The following NUP133 variants were observed in gnomAD, a reference collection of about 807,000 sequenced individuals.
NUP133 encodes nucleoporin 133.
A neutral mutation model predicts 146.2 loss-of-function variants in NUP133; 66 were observed. The observed-to-expected ratio is 0.45, with a 90% CI of 0.37 to 0.55. NUP133 has a LOEUF of 0.55. NUP133 is among the 20% of genes least tolerant of loss of function. NUP133 has a pLI of 0.00. For missense variants in NUP133, 1,277 were observed against 1,374.8 expected, an observed-to-expected ratio of 0.93 and a Z score of 1.12; for synonymous variants, 521 against 498.8, an observed-to-expected ratio of 1.04 and a Z score of -0.59.
At chr1:229,491,064 C>T (rs1286932421) in intron 8 of NUP133, among the ~76,000 whole-genome samples, 1 of 151,988 alleles carries the variant, frequency 6.6e-6, no homozygotes, top group East Asian at 1.9e-4. Context: ...ATCAAAACAA[C>T]CATCTGATCC....
chr1:229,496,747 C>G (rs1228352456), intron 6 of NUP133, among the ~76,000 whole-genome samples: 1 of 151,992 alleles, frequency 6.6e-6, no homozygotes, highest in Admixed American at 6.6e-5. Context: ...TTTGGGATAC[C>G]AAGGAGGGAG....
intron 15 of NUP133, among the ~76,000 whole-genome samples, chr1:229,469,632 G>A (rs1193473538): frequency 6.6e-6 from 1 of 152,216 alleles, no homozygotes; most frequent in Non-Finnish European, 1.5e-5. Context: ...AAAGCAGTTG[G>A]ACAGGAGGCA....
In NUP133 at chr1:229,464,775, G is replaced by A. The variant is rs763783585; in HGVS notation, c.2400C>T (p.Ile800=). The change falls in exon 18 of 26, where the codon ATC becomes ATT. Residue 800 remains isoleucine (I), a synonymous_variant. Coordinates refer to ENST00000261396, the MANE Select transcript of NUP133 (RefSeq NM_018230.3). ...YPQADSNLRN[I]VTEQLVALID... ...TCAGGGCTACCAGCTGCTCGGTCACGATGTTTCGGAGGTTGCTGTCTGCCT... is the reference window on the plus strand; with the variant it reads ...TCAGGGCTACCAGCTGCTCGGTCACAATGTTTCGGAGGTTGCTGTCTGCCT... 17 of 1,614,178 alleles carry A rather than the reference G, an allele frequency of 1.1e-5. No homozygotes were observed. The highest frequency in any genetic ancestry group is 1.3e-5 in the African/African-American group (1 of 75,042).
At chr1:229,493,062 T>C (rs1486687698) in intron 8 of NUP133, among the ~76,000 whole-genome samples, 2 of 152,216 alleles carry the variant, frequency 1.3e-5, no homozygotes, top group African/African-American at 4.8e-5. Flanking sequence ...TAAGTTTTTA[T>C]GTGAGTATAT....
chr1:229,504,726 C>T (rs545910868), intron 2 of NUP133, among the ~76,000 whole-genome samples: 1 of 152,334 alleles, frequency 6.6e-6, no homozygotes, highest in Admixed American at 6.5e-5. Flanking sequence ...CTGAATTTTG[C>T]ATATACAGTA....
intron 22 of NUP133, 130 bp from the exon 23 acceptor site, chr1:229,450,735 GTTT>G: frequency 4.2e-6 from 2 of 478,452 alleles, no homozygotes; most frequent in Non-Finnish European, 3.7e-6. Context: ...TTGTTTGTTT[GTTT>G]TTTTTGAGAC....
Position 229,501,976 on chromosome 1 carries a change from C to A in NUP133, c.405+23G>T, listed in dbSNP as rs373475847. 6 of 1,525,136 alleles carry A rather than the reference C, an allele frequency of 3.9e-6. No individual in the cohort carries two copies. In the South Asian group the frequency reaches 4.5e-5, roughly 11 times the overall value. The allele number at this position is 1,525,136 out of a possible 1,614,324, so 94.5% of individuals were successfully genotyped here. ...TGGCATTCCTCTCCTCTATCTTGTT[C>A]CAGCTCTCTAAAGAGCCATTACCTT... On this transcript the variant is annotated intron_variant, in intron 3 of 25. Transcript: ENST00000261396.
Position 229,506,176 on chromosome 1 carries a change from T to C in NUP133, c.183-18A>G. On this transcript the variant is annotated intron_variant, in intron 1 of 25. Coordinates refer to ENST00000261396, the MANE Select transcript of NUP133 (RefSeq NM_018230.3). ...GTGTTCCCCTAAAGAAAAGAGTCTA[T>C]ATTACCTTACTTGTAACTTAAAATT... 1 of 1,397,116 alleles carries C rather than the reference T, an allele frequency of 7.2e-7. No individual in the cohort carries two copies. Among genetic ancestry groups the C allele is most frequent in the South Asian group, 1.3e-5 (1 of 79,198 alleles). 86.5% of individuals were successfully genotyped at this position (1,397,116 alleles called of 1,614,324 possible).
intron 11 of NUP133, among the ~76,000 whole-genome samples, chr1:229,484,678 T>C (rs752633756): frequency 9.2e-5 from 14 of 152,206 alleles, no homozygotes; most frequent in Non-Finnish European, 1.6e-4. Flanking sequence ...TACCTAAGCA[T>C]AATGGTTGAT....
chr1:229,470,852 T>C, intron 14 of NUP133, 48 bp from the exon 15 acceptor site: 1 of 1,545,508 alleles, frequency 6.5e-7, no homozygotes, highest in South Asian at 1.1e-5. Flanking sequence ...TATGGTAACA[T>C]GCAAAATACC....
Position 229,499,809 on chromosome 1 carries a change from C to T in NUP133, c.523G>A (p.Val175Ile). Residue 175 changes from valine (V) to isoleucine (I), a missense_variant, in exon 5 of 26, where the codon GTC becomes ATC. Transcript: ENST00000261396. ...GATCCTTCTCTGGTGGCAACCATGACAGCAACAGCCTCAAAACAAGATCAC... is the reference window on the plus strand; with the variant it reads ...GATCCTTCTCTGGTGGCAACCATGATAGCAACAGCCTCAAAACAAGATCAC... ...GEAHSTQAVAVMVATREGSIR... is the reference protein window; with the variant it reads ...GEAHSTQAVAIMVATREGSIR... The T allele has an allele frequency of 6.2e-7, 1 of 1,613,170 alleles. No individual in the cohort carries two copies. The highest frequency in any genetic ancestry group is 8.5e-7 in the Non-Finnish European group (1 of 1,179,520).
intron 21 of NUP133, among the ~76,000 whole-genome samples, chr1:229,456,697 G>C (rs571329687): frequency 6.6e-6 from 1 of 151,762 alleles, no homozygotes; most frequent in East Asian, 1.9e-4. Flanking sequence ...CAAGAAATAC[G>C]TATGTGTGTG....
At chr1:229,487,374 C>A in intron 10 of NUP133, 92 bp downstream of exon 10, 1 of 1,222,452 alleles carries the variant, frequency 8.2e-7, no homozygotes, top group East Asian at 2.4e-5. Context: ...TTGAAAGCAG[C>A]ATGCTTGAAG....
chr1:229,450,303 A>G (rs1399710869), intron 23 of NUP133, among the ~76,000 whole-genome samples: 1 of 152,218 alleles, frequency 6.6e-6, no homozygotes, highest in Non-Finnish European at 1.5e-5. Flanking sequence ...TCTGTGCACA[A>G]AAAAAGATAC....
chr1:229,463,410 T>C (rs1451838135), intron 19 of NUP133, 133 bp downstream of exon 19: 42 of 1,014,296 alleles, frequency 4.1e-5, no homozygotes, highest in Non-Finnish European at 5.6e-5. Flanking sequence ...CAAATTAGTA[T>C]CTTCTCATCA....
chr1:229,457,493 C>T (rs900564176), intron 21 of NUP133, among the ~76,000 whole-genome samples: 4 of 152,156 alleles, frequency 2.6e-5, no homozygotes, highest in Admixed American at 6.5e-5. Flanking sequence ...TACATCCTCC[C>T]ATATACCTTA....
At chr1:229,469,683 C>T (rs922033852) in intron 15 of NUP133, among the ~76,000 whole-genome samples, 2 of 152,194 alleles carry the variant, frequency 1.3e-5, no homozygotes, top group Non-Finnish European at 2.9e-5. Flanking sequence ...AAAGTGCGCA[C>T]AGGCAAGGAA....
intron 16 of NUP133, 73 bp from the exon 17 acceptor site, chr1:229,465,592 C>T: frequency 8.7e-7 from 1 of 1,148,736 alleles, no homozygotes; most frequent in Non-Finnish European, 1.3e-6. Context: ...TAATTTAAGA[C>T]AGCAAAGTAA....
At chr1:229,485,701 G>C (rs1661331427) in intron 11 of NUP133, among the ~76,000 whole-genome samples, 1 of 152,134 alleles carries the variant, frequency 6.6e-6, no homozygotes, top group African/African-American at 2.4e-5. Context: ...ACATTACTTA[G>C]ATATATGGAG....
Sources: allele counts gnomAD v4.1 joint callset (sites outside exome capture counted in the v4.1 genomes callset), GRCh38; gene constraint gnomAD v4.1.1; transcripts MANE v1.5; gene names NCBI Gene and HGNC (gene_info 2026-07-23, HGNC 2026-07-21).